The following DEPDC7 variants were observed in gnomAD, a reference collection of about 807,000 sequenced individuals.
The protein encoded by DEPDC7 is DEP domain containing 7.
Under a neutral mutation model 56.6 loss-of-function variants are expected in DEPDC7, and 41 were observed. The observed-to-expected ratio is 0.72, with a 90% CI of 0.56 to 0.94. The LOEUF (loss-of-function observed/expected upper bound fraction) is 0.94. Among genes scored for constraint, DEPDC7 ranks in the 40% least tolerant of loss-of-function variants. The pLI is 0.00. For synonymous variants in DEPDC7, 185 were observed against 208.8 expected (o/e 0.89, Z 0.98); for missense variants, 522 against 596.3 (o/e 0.88, Z 1.30).
chr11:33,016,110 G>A lies in DEPDC7; in HGVS notation c.73+82G>A, dbSNP rs928520917. 15 of 1,259,858 alleles carry A rather than the reference G, an allele frequency of 1.2e-5. No homozygotes were observed. In the African/African-American group the frequency reaches 2.0e-4, roughly 17 times the overall value. The allele number at this position is 1,259,858 out of a possible 1,614,324, so 78.0% of individuals were successfully genotyped here. ...TGGGTCCCGGCGCGGGGCGGGCGGC[G>A]TGGGGCGTTCGGCCGCCTGCGCCTG... On this transcript the variant is annotated intron_variant, in intron 1 of 8. Transcript: ENST00000241051.
At chr11:33,025,147 A>G (rs1034514313) in intron 1 of DEPDC7, among the ~76,000 whole-genome samples, 3 of 151,622 alleles carry the variant, frequency 2.0e-5, no homozygotes, top group Non-Finnish European at 2.9e-5. Context: ...CTCCCTCCCC[A>G]CACCACTCTG....
At chr11:33,027,619 G>T in intron 2 of DEPDC7, 67 bp from the exon 3 acceptor site, 1 of 1,383,322 alleles carries the variant, frequency 7.2e-7, no homozygotes, top group South Asian at 1.8e-5. Context: ...AAAACTCTTA[G>T]CTCTCAAATA....
At chr11:33,018,686 C>T (rs576103099) in intron 1 of DEPDC7, among the ~76,000 whole-genome samples, 1 of 152,270 alleles carries the variant, frequency 6.6e-6, no homozygotes, top group East Asian at 1.9e-4. Flanking sequence ...TTTAGATTCA[C>T]TAAATAGTAT....
Position 33,031,399 on chromosome 11 carries a change from A to C in DEPDC7, c.804A>C (p.Ala268=). The change falls in exon 5 of 9, where the codon GCA becomes GCC. Residue 268 remains alanine, a synonymous_variant. Transcript: ENST00000241051. Reference sequence around the variant, plus strand: ...ATAGGGAAGATGAGTGGCTCTCGGCAGCAATTGACTGTTTAGAATACCTTC... The same window carrying C: ...ATAGGGAAGATGAGTGGCTCTCGGCCGCAATTGACTGTTTAGAATACCTTC... ...SDSQEDEWLS[A]AIDCLEYLPD... is the part of the protein sequence containing the mutation. The C allele has an allele frequency of 6.2e-7, 1 of 1,614,178 alleles. No individual in the cohort carries two copies. Among genetic ancestry groups the C allele is most frequent in the East Asian group, 2.2e-5 (1 of 44,878 alleles).
intron 8 of DEPDC7, 121 bp downstream of exon 8, chr11:33,033,088 A>C (rs1394248318): frequency 5.2e-6 from 5 of 960,606 alleles, no homozygotes; most frequent in Non-Finnish European, 6.1e-6. Context: ...TTCTCCTCAG[A>C]GTTATTCATA....
intron 4 of DEPDC7, 38 bp from the exon 5 acceptor site, chr11:33,031,340 C>A: frequency 6.7e-7 from 1 of 1,488,836 alleles, no homozygotes; most frequent in Non-Finnish European, 9.4e-7. Flanking sequence ...AAATAATCTT[C>A]CCTTGCCTTT....
intron 4 of DEPDC7, among the ~76,000 whole-genome samples, chr11:33,031,029 C>G (rs754988123): frequency 2.5e-4 from 38 of 152,220 alleles, no homozygotes; most frequent in Non-Finnish European, 4.4e-4. Context: ...TCTAGTCCTG[C>G]CTGAGGCCTG....
intron 4 of DEPDC7, 99 bp downstream of exon 4, chr11:33,028,891 A>G: frequency 8.7e-6 from 7 of 804,412 alleles, no homozygotes; most frequent in Non-Finnish European, 1.3e-5. Context: ...ATAGGATCAG[A>G]TATGCATTGT....
chr11:33,033,371 A>T lies in DEPDC7; in HGVS notation c.1452A>T (p.Lys484Asn). 1 of 1,611,892 alleles carries T rather than the reference A, an allele frequency of 6.2e-7. No individual in the cohort carries two copies. Among genetic ancestry groups the T allele is most frequent in the Non-Finnish European group, 8.5e-7 (1 of 1,179,266 alleles). ...TAAAAACTCTTGATGAGGATTCAAA[A>T]CTTTCTGCCAAAGAGAAGAAAAAAT... ...NLLKTLDEDS[K>N]LSAKEKKKLL... The change falls in exon 9 of 9, where the codon AAA becomes AAT. Residue 484 changes from lysine (K) to asparagine (N), a missense_variant. By Grantham distance (94) the Lys-to-Asn change is moderately conservative. Transcript: ENST00000241051.
chr11:33,022,656 A>T (rs908375212), intron 1 of DEPDC7, among the ~76,000 whole-genome samples: 5 of 152,218 alleles, frequency 3.3e-5, no homozygotes, highest in Non-Finnish European at 7.3e-5. Context: ...TAAGAATATT[A>T]GTCGCTAACA....
intron 1 of DEPDC7, chr11:33,016,723 T>C (rs1298566094): frequency 1.3e-6 from 1 of 781,856 alleles, no homozygotes; most frequent in African/African-American, 1.7e-5. Flanking sequence ...GGCAGTTGAT[T>C]TAGGATTCTG....
chr11:33,032,256 C>G (rs1318075350), intron 5 of DEPDC7, 80 bp from the exon 6 acceptor site: 1 of 1,321,860 alleles, frequency 7.6e-7, no homozygotes, highest in African/African-American at 1.6e-5. Flanking sequence ...CTTTTTAACT[C>G]AAACTGTAAC....
At chr11:33,032,507 A>C in intron 6 of DEPDC7, 29 bp downstream of exon 6, 1 of 1,533,818 alleles carries the variant, frequency 6.5e-7, no homozygotes. Context: ...TGTTAGTTGT[A>C]TTTAATATCC....
intron 1 of DEPDC7, among the ~76,000 whole-genome samples, chr11:33,021,072 C>G (rs1339185893): frequency 6.6e-6 from 1 of 151,804 alleles, no homozygotes; most frequent in African/African-American, 2.4e-5. Context: ...CATGGTGAAA[C>G]CCTGTCTCTA....
intron 3 of DEPDC7, 167 bp downstream of exon 3, chr11:33,027,980 T>C: frequency 1.6e-6 from 1 of 609,728 alleles, no homozygotes. Flanking sequence ...CTATTATCTT[T>C]AACAAATAGA....
At chr11:33,023,443 A>G (rs1309493762) in intron 1 of DEPDC7, among the ~76,000 whole-genome samples, 1 of 152,216 alleles carries the variant, frequency 6.6e-6, no homozygotes, top group Non-Finnish European at 1.5e-5. Flanking sequence ...GTAGTGGTTC[A>G]GTGTACTCCT....
At chr11:33,023,699 A>C (rs187269548) in intron 1 of DEPDC7, among the ~76,000 whole-genome samples, 1 of 152,056 alleles carries the variant, frequency 6.6e-6, no homozygotes, top group South Asian at 2.1e-4. Flanking sequence ...CGCCCGGCCA[A>C]TTTTTGTATT....
intron 3 of DEPDC7, 127 bp from the exon 4 acceptor site, chr11:33,028,476 G>T (rs1313062321): frequency 1.2e-5 from 8 of 682,708 alleles, no homozygotes; most frequent in Non-Finnish European, 1.9e-5. Flanking sequence ...AAAGCACTTC[G>T]TAAGGTTGAC....
chr11:33,015,955 C>T lies in DEPDC7; in HGVS notation c.-1C>T, dbSNP rs115832789. ...GAGTTGGCGTCCGGGGAGCAAGGGCCATGGCCACCGTGCAGGAGAAGGCTG... is the reference window on the plus strand; with the variant it reads ...GAGTTGGCGTCCGGGGAGCAAGGGCTATGGCCACCGTGCAGGAGAAGGCTG... On this transcript the variant is annotated 5_prime_UTR_variant, in exon 1 of 9. Coordinates refer to ENST00000241051, the MANE Select transcript of DEPDC7 (RefSeq NM_001077242.2). 3,479 of 1,575,430 alleles carry T rather than the reference C, an allele frequency of 2.2e-3. 57 individuals are homozygous for T. In the African/African-American group the frequency reaches 0.037, roughly 17 times the overall value.
Sources: gnomAD v4.1 joint callset for allele counts (sites outside exome capture counted in the v4.1 genomes callset) on GRCh38, gnomAD v4.1.1 for gene constraint, MANE v1.5 for transcripts, NCBI Gene and HGNC (gene_info 2026-07-23, HGNC 2026-07-21) for gene names.